The following PDK1 variants were observed in gnomAD, a reference collection of about 807,000 sequenced individuals.
The protein encoded by PDK1 is [Pyruvate dehydrogenase (acetyl-transferring)] kinase isozyme 1, mitochondrial.
PDK1 carries 39 observed loss-of-function variants against 54.2 expected under a neutral mutation model. The ratio of observed to expected loss-of-function variants is 0.72; its 90% confidence interval spans 0.56 to 0.94. The LOEUF (loss-of-function observed/expected upper bound fraction) is 0.94, where lower values mean the gene tolerates loss of function less well. PDK1 is among the 40% of genes least tolerant of loss of function. The pLI, the probability that PDK1 is intolerant of heterozygous loss-of-function variation, is 0.00. For missense variants in PDK1, 552 were observed against 566.0 expected (o/e 0.98, Z 0.25); for synonymous variants, 221 against 207.1 (o/e 1.07, Z -0.58).
chr2:172,705,958 T>C, the PDK1 span, among the ~76,000 whole-genome samples: 3 of 152,204 alleles, frequency 2.0e-5, no homozygotes, highest in Admixed American at 1.3e-4. Context: ...CTGTAGATTC[T>C]CATGCAGTTG....
At chr2:172,622,242 G>GAT in the PDK1 span, among the ~76,000 whole-genome samples, 7,951 of 117,332 alleles carry the variant, frequency 0.068, 749 homozygotes, top group Non-Finnish European at 0.086. Flanking sequence ...TATTATGTGA[G>GAT]ATGTTTATAT....
the PDK1 span, among the ~76,000 whole-genome samples, chr2:172,641,183 G>T: frequency 7.1e-6 from 1 of 141,784 alleles, no homozygotes; most frequent in Non-Finnish European, 1.5e-5. Context: ...AGGCTGTAGT[G>T]TAGTGGCATC....
chr2:172,564,488 G>T lies in PDK1; in HGVS notation c.411-15G>T. The T allele has an allele frequency of 6.3e-7, 1 of 1,596,412 alleles. No individual in the cohort carries two copies. The highest frequency in any genetic ancestry group is 8.6e-7 in the Non-Finnish European group (1 of 1,166,572). On this transcript the variant is annotated splice_polypyrimidine_tract_variant and intron_variant, in intron 3 of 10. Coordinates refer to ENST00000282077, the MANE Select transcript of PDK1 (RefSeq NM_002610.5). Reference sequence around the variant, plus strand: ...GTCAAAATATTTGGCTGTTTTGACAGATGGGTTTGTTTAGCTTTACAGATA... The same window carrying T: ...GTCAAAATATTTGGCTGTTTTGACATATGGGTTTGTTTAGCTTTACAGATA...
chr2:172,709,765 AATG>A, the PDK1 span, among the ~76,000 whole-genome samples: 1 of 152,228 alleles, frequency 6.6e-6, no homozygotes, highest in African/African-American at 2.4e-5. Flanking sequence ...GATATGCATC[AATG>A]ATCAGCAACT....
At position 172,573,054 on chromosome 2, in the gene PDK1, A is replaced by G. The variant is rs915646409; in HGVS notation, c.945+2230A>G. Among the ~76,000 whole-genome samples, 4 of 152,206 alleles carry G rather than the reference A, an allele frequency of 2.6e-5. No individual in the cohort carries two copies. In the East Asian group the frequency reaches 7.7e-4, roughly 29 times the overall value. On this transcript the variant is annotated intron_variant, in intron 8 of 10. Transcript: ENST00000282077. The stretch of plus-strand genomic sequence containing the variant: ...GGTTATTATAAATAATATGGCTATG[A>G]ATGTTTGTGTACAAATTATTGTGTG...
chr2:172,673,909 C>A, the PDK1 span, among the ~76,000 whole-genome samples: 1 of 152,200 alleles, frequency 6.6e-6, no homozygotes, highest in Non-Finnish European at 1.5e-5. Context: ...TTTCAGTATA[C>A]TTGTCAGTTT....
the PDK1 span, among the ~76,000 whole-genome samples, chr2:172,682,439 C>T: frequency 2.0e-5 from 3 of 152,212 alleles, no homozygotes; most frequent in Non-Finnish European, 4.4e-5. Flanking sequence ...TGAGAATGAT[C>T]CATAGGGAGT....
the PDK1 span, among the ~76,000 whole-genome samples, chr2:172,616,831 T>G: frequency 1.3e-5 from 2 of 152,228 alleles, no homozygotes; most frequent in African/African-American, 4.8e-5. Context: ...ATATTTTCTT[T>G]CAGGGTAGTG....
At chr2:172,587,803 C>T (rs1424991728) in intron 9 of PDK1, among the ~76,000 whole-genome samples, 1 of 152,086 alleles carries the variant, frequency 6.6e-6, no homozygotes, top group African/African-American at 2.4e-5. Context: ...TGTTTACAAA[C>T]CTTTAGCTAG....
At chr2:172,636,344 A>C in the PDK1 span, among the ~76,000 whole-genome samples, 1 of 152,150 alleles carries the variant, frequency 6.6e-6, no homozygotes, top group East Asian at 1.9e-4. Context: ...AGCCCACATT[A>C]CATGGTGAGA....
chr2:172,700,084 A>G, the PDK1 span, among the ~76,000 whole-genome samples: 1 of 152,232 alleles, frequency 6.6e-6, no homozygotes, highest in East Asian at 1.9e-4. Flanking sequence ...GCAAGGCCAT[A>G]GATTAACAGC....
rs55753852 is a variant in PDK1 at position 172,557,610 on chromosome 2, C to CGTGTGTGT, written c.197-1069_197-1062dup. Among the ~76,000 whole-genome samples the CGTGTGTGT allele has an allele frequency of 7.7e-3, 1,092 of 142,002 alleles. 8 individuals carry two copies. Among genetic ancestry groups the CGTGTGTGT allele is most frequent in the African/African-American group, 0.018 (688 of 37,842 alleles). The allele number at this position is 142,002 out of a possible 152,430, so 93.2% of individuals were successfully genotyped here. A position where few individuals can be genotyped will look rare whatever the true frequency, so the allele number is the denominator to read the frequency against. ...TTCCTCTGCACTTACTCTTTTTTCC[C>CGTGTGTGT]GTGTGTGTGTGTGTGTGTGTGTGTG... On this transcript the variant is annotated intron_variant, in intron 1 of 10. Transcript: ENST00000282077.
At chr2:172,649,608 G>A in the PDK1 span, among the ~76,000 whole-genome samples, 1 of 152,082 alleles carries the variant, frequency 6.6e-6, no homozygotes, top group African/African-American at 2.4e-5. Flanking sequence ...TAGATGAATG[G>A]CTAACTAGAA....
the PDK1 span, among the ~76,000 whole-genome samples, chr2:172,664,259 C>T: frequency 4.1e-4 from 51 of 124,010 alleles, 1 homozygote; most frequent in African/African-American, 1.5e-3. Context: ...TGCAAAGAGC[C>T]GAGATCGTGC....
At chr2:172,619,112 A>G in the PDK1 span, among the ~76,000 whole-genome samples, 774 of 152,154 alleles carry the variant, frequency 5.1e-3, 10 homozygotes, top group African/African-American at 0.017. Flanking sequence ...CACCACTTGT[A>G]TGCTACCCTC....
intron 2 of PDK1, among the ~76,000 whole-genome samples, chr2:172,559,058 C>G (rs1477706685): frequency 6.6e-6 from 1 of 152,218 alleles, no homozygotes; most frequent in East Asian, 1.9e-4. Context: ...AGGCGATTCT[C>G]CTGCCTCAGC....
chr2:172,616,876 A>G, the PDK1 span, among the ~76,000 whole-genome samples: 1 of 152,134 alleles, frequency 6.6e-6, no homozygotes, highest in Non-Finnish European at 1.5e-5. Flanking sequence ...AAAGCAGAAC[A>G]TGGTATACAG....
At chr2:172,687,949 G>A in the PDK1 span, among the ~76,000 whole-genome samples, 1 of 152,168 alleles carries the variant, frequency 6.6e-6, no homozygotes, top group Non-Finnish European at 1.5e-5. Flanking sequence ...AAGTCCCCCT[G>A]CACAGGGATC....
intron 2 of PDK1, among the ~76,000 whole-genome samples, chr2:172,561,127 G>A (rs1470131825): frequency 6.6e-6 from 1 of 152,132 alleles, no homozygotes; most frequent in Admixed American, 6.5e-5. Flanking sequence ...GGGATATAAT[G>A]GAGAAAATAT....
Sources: allele counts gnomAD v4.1 joint callset (sites outside exome capture counted in the v4.1 genomes callset), GRCh38; gene constraint gnomAD v4.1.1; transcripts MANE v1.5; gene names NCBI Gene and HGNC (gene_info 2026-07-23, HGNC 2026-07-21).